The following GBE1 variants were observed in gnomAD, a reference collection of about 807,000 sequenced individuals.
The protein encoded by GBE1 is 1,4-alpha-glucan-branching enzyme.
A neutral mutation model predicts 88.8 loss-of-function variants in GBE1; 70 were observed. That is an observed-to-expected ratio of 0.79 (90% CI 0.65 to 0.96). The LOEUF (loss-of-function observed/expected upper bound fraction) is 0.96, where lower values mean the gene tolerates loss of function less well. Ranked by LOEUF, GBE1 falls within the 40% of genes least tolerant of loss-of-function variation. GBE1 has a pLI of 0.00. For missense variants in GBE1, 872 were observed against 871.0 expected (o/e 1.00, Z -0.01); for synonymous variants, 284 against 300.1 (o/e 0.95, Z 0.56).
rs148005951 is a variant in GBE1, at chr3:81,495,601, A to G, written c.2052+3509T>C. Among the ~76,000 whole-genome samples, 737 of 152,296 alleles carry G rather than the reference A, an allele frequency of 4.8e-3. 7 individuals carry two copies. Among genetic ancestry groups the G allele is most frequent in the African/African-American group, 0.017 (702 of 41,572 alleles). On this transcript the variant is annotated intron_variant, in intron 15 of 15. Transcript: ENST00000429644. Reference sequence around the variant, plus strand: ...TGTATTCTAATTCTCATTATTTTGCATTGGGGTTAGGAGAAAAGTGACTCT... The same window carrying G: ...TGTATTCTAATTCTCATTATTTTGCGTTGGGGTTAGGAGAAAAGTGACTCT...
At chr3:81,646,529 A>T (rs1453340327) in intron 5 of GBE1, 47 bp from the exon 6 acceptor site, 1 of 1,037,438 alleles carries the variant, frequency 9.6e-7, no homozygotes, top group South Asian at 1.5e-5. Flanking sequence ...ACATTTAAAA[A>T]AAAAGTAATG....
chr3:81,749,016 AAAAAAG>A (rs1488535226), intron 1 of GBE1, among the ~76,000 whole-genome samples: 7 of 144,176 alleles, frequency 4.9e-5, no homozygotes, highest in Non-Finnish European at 1.1e-4. Context: ...AAAAAAAAAA[AAAAAAG>A]AAAAAAGAAA....
chr3:81,703,610 G>A (rs1705732659), intron 2 of GBE1, among the ~76,000 whole-genome samples: 1 of 151,728 alleles, frequency 6.6e-6, no homozygotes. Context: ...AATTTTGTTT[G>A]GAAAAAACTG....
At chr3:81,717,088 C>T (rs1016784383) in intron 1 of GBE1, among the ~76,000 whole-genome samples, 10 of 152,170 alleles carry the variant, frequency 6.6e-5, no homozygotes, top group African/African-American at 2.4e-4. Flanking sequence ...ACATGCTCTG[C>T]TGATTACCTT....
intron 14 of GBE1, among the ~76,000 whole-genome samples, chr3:81,505,742 G>A (rs980195694): frequency 6.6e-6 from 1 of 151,984 alleles, no homozygotes; most frequent in Non-Finnish European, 1.5e-5. Flanking sequence ...GTCGTGGTCG[G>A]GGGGTGTGTG....
intron 12 of GBE1, among the ~76,000 whole-genome samples, chr3:81,575,251 T>G (rs1344333752): frequency 6.6e-6 from 1 of 151,902 alleles, no homozygotes; most frequent in African/African-American, 2.4e-5. Flanking sequence ...CTATATTCAA[T>G]TATTTCATAT....
intron 2 of GBE1, among the ~76,000 whole-genome samples, chr3:81,691,786 T>C (rs1705525199): frequency 6.6e-6 from 1 of 152,082 alleles, no homozygotes; most frequent in South Asian, 2.1e-4. Flanking sequence ...AATAATTAAT[T>C]AATTAATTTT....
intron 14 of GBE1, among the ~76,000 whole-genome samples, chr3:81,515,945 TAGG>T (rs1163113924): frequency 5.9e-5 from 9 of 151,634 alleles, no homozygotes; most frequent in Non-Finnish European, 1.0e-4. Flanking sequence ...AGTTTAAAGC[TAGG>T]AGAGACTGGT....
At chr3:81,717,852 A>G (rs1407320256) in intron 1 of GBE1, among the ~76,000 whole-genome samples, 1 of 152,214 alleles carries the variant, frequency 6.6e-6, no homozygotes, top group Non-Finnish European at 1.5e-5. Context: ...CAAAAAGTAC[A>G]TATTTTACCA....
intron 12 of GBE1, among the ~76,000 whole-genome samples, chr3:81,557,813 T>C (rs1226088232): frequency 6.6e-6 from 1 of 151,980 alleles, no homozygotes; most frequent in African/African-American, 2.4e-5. Flanking sequence ...TAATACATTA[T>C]AGAAGAAACT....
intron 1 of GBE1, among the ~76,000 whole-genome samples, chr3:81,708,440 CATAT>C (rs977992425): frequency 6.6e-6 from 1 of 152,032 alleles, no homozygotes; most frequent in Non-Finnish European, 1.5e-5. Context: ...TGATCAAACT[CATAT>C]ATAACTAAAG....
chr3:81,535,409 C>T, intron 13 of GBE1, 84 bp from the exon 14 acceptor site: 1 of 1,363,300 alleles, frequency 7.3e-7, no homozygotes, highest in Non-Finnish European at 9.8e-7. Context: ...TCTTAATAGT[C>T]TGGTTATTAA....
Position 81,524,015 on chromosome 3 carries a change from G to T in GBE1, c.1934+11180C>A, listed in dbSNP as rs149466062. Among the ~76,000 whole-genome samples, 819 of 151,838 alleles carry T rather than the reference G, an allele frequency of 5.4e-3. 4 individuals are homozygous for T. Among genetic ancestry groups the T allele is most frequent in the African/African-American group, 0.019 (777 of 41,476 alleles). On this transcript the variant is annotated intron_variant, in intron 14 of 15. Transcript: ENST00000429644. ...TTCTTTACTTTTGGGTGTATACCTA[G>T]CAGTGGGATTGCTGGATCATATGGT... is the stretch of plus-strand genomic sequence containing the variant.
Position 81,506,059 on chromosome 3 carries a change from T to C in GBE1, c.1935-6832A>G, listed in dbSNP as rs141376744. Among the ~76,000 whole-genome samples, 21 of 152,116 alleles carry C rather than the reference T, an allele frequency of 1.4e-4. No homozygotes were observed. In the East Asian group the frequency reaches 3.9e-3, roughly 28 times the overall value. Reference sequence around the variant, plus strand: ...GACACTAAAAGCAAAAACTGACAGATGGGATCTAATTAAACTAGGGAGATT... The same window carrying C: ...GACACTAAAAGCAAAAACTGACAGACGGGATCTAATTAAACTAGGGAGATT... On this transcript the variant is annotated intron_variant, in intron 14 of 15. Coordinates refer to ENST00000429644, the MANE Select transcript of GBE1 (RefSeq NM_000158.4).
At chr3:81,761,304 C>T (rs1706681233) in intron 1 of GBE1, 71 bp downstream of exon 1, 6 of 1,530,530 alleles carry the variant, frequency 3.9e-6, no homozygotes, top group Admixed American at 1.9e-5. Flanking sequence ...CGAGGGGCGG[C>T]CCGTGTCCCG....
intron 1 of GBE1, among the ~76,000 whole-genome samples, chr3:81,734,264 T>C (rs1334558433): frequency 6.6e-6 from 1 of 152,178 alleles, no homozygotes; most frequent in East Asian, 1.9e-4. Flanking sequence ...AAAATCTCCA[T>C]TCAAAAATGA....
At chr3:81,702,857 C>T (rs1378193747) in intron 2 of GBE1, among the ~76,000 whole-genome samples, 1 of 151,904 alleles carries the variant, frequency 6.6e-6, no homozygotes, top group Non-Finnish European at 1.5e-5. Flanking sequence ...TTTTTAAATG[C>T]AATTCTACAA....
chr3:81,620,910 C>A (rs1240404124), intron 7 of GBE1, among the ~76,000 whole-genome samples: 1 of 151,968 alleles, frequency 6.6e-6, no homozygotes, highest in Non-Finnish European at 1.5e-5. Flanking sequence ...AAGTGCATTC[C>A]AAATGAAAGG....
At chr3:81,501,267 G>C (rs895416866) in intron 14 of GBE1, among the ~76,000 whole-genome samples, 1 of 152,208 alleles carries the variant, frequency 6.6e-6, no homozygotes, top group African/African-American at 2.4e-5. Context: ...GAAACTGATG[G>C]AAGACAGGGG....
Sources: gnomAD v4.1 joint callset for allele counts (sites outside exome capture counted in the v4.1 genomes callset) on GRCh38, gnomAD v4.1.1 for gene constraint, MANE v1.5 for transcripts, NCBI Gene and HGNC (gene_info 2026-07-23, HGNC 2026-07-21) for gene names.